FKBP14: variants seen among roughly 807,000 people sequenced by gnomAD.
FKBP14 encodes peptidyl-prolyl cis-trans isomerase FKBP14.
In FKBP14, 20 loss-of-function variants were observed where a neutral mutation model predicts 21.6. The ratio of observed to expected loss-of-function variants is 0.92; its 90% CI spans 0.65 to 1.34. FKBP14 has a LOEUF of 1.34. Ranked by LOEUF, FKBP14 falls within the 40% of genes most tolerant of loss-of-function variation. The pLI is 0.00. For missense variants in FKBP14, 253 were observed against 249.0 expected (o/e 1.02, Z -0.11); for synonymous variants, 79 against 86.7 (o/e 0.91, Z 0.49).
chr7:30,009,178 ATAATGC>A (rs1482643971), downstream of FKBP14, among the ~76,000 whole-genome samples: 1 of 151,930 alleles, frequency 6.6e-6, no homozygotes, highest in East Asian at 1.9e-4. Flanking sequence ...GGTTATTATT[ATAATGC>A]TAATTTACTT....
chr7:30,016,608 G>A (rs1789891955), intron 3 of FKBP14, among the ~76,000 whole-genome samples: 1 of 151,900 alleles, frequency 6.6e-6, no homozygotes, highest in African/African-American at 2.4e-5. Context: ...TGGCCAGGCT[G>A]GCCTCGAACT....
chr7:30,019,926 A>G (rs117489709), intron 2 of FKBP14, among the ~76,000 whole-genome samples: 2,947 of 152,266 alleles, frequency 0.019, 47 homozygotes, highest in East Asian at 0.04. Flanking sequence ...GAGGGGAGAA[A>G]TTAAAATGAA....
Position 30,011,514 on chromosome 7 carries a change from TATATATATATATACACACACC to T in FKBP14, c.*3200_*3220del, listed in dbSNP as rs1438066883. The T allele has an allele frequency of 2.1e-5, 3 of 144,428 alleles. No individual in the cohort carries two copies. The highest frequency in any genetic ancestry group is 4.5e-5 in the Non-Finnish European group (3 of 66,270). The allele number at this position is 144,428 out of a possible 1,614,324, so 8.9% of individuals were successfully genotyped here. A position where few individuals can be genotyped will look rare whatever the true frequency, so the allele number is the denominator to read the frequency against. ...GTAAGTGCCCTATACAGGTATACCA[TATATATATATATACACACACC>T]ATATATATATATACTATATATATAT... On this transcript the variant is annotated 3_prime_UTR_variant, in exon 4 of 4. Transcript: ENST00000222803.
At chr7:30,021,765 C>T (rs754196131) in intron 2 of FKBP14, among the ~76,000 whole-genome samples, 42 of 152,020 alleles carry the variant, frequency 2.8e-4, no homozygotes, top group Non-Finnish European at 2.1e-4. Flanking sequence ...ATGTTGGCCA[C>T]GTCGGTCTCA....
chr7:30,007,211 G>T (rs375109161), downstream of FKBP14, among the ~76,000 whole-genome samples: 14 of 129,178 alleles, frequency 1.1e-4, no homozygotes, highest in Middle Eastern at 3.9e-3. Context: ...AAGTTCCTTT[G>T]TTTTTTTTTT....
Position 30,010,755 on chromosome 7 carries a change from A to T in FKBP14, c.*3980T>A, listed in dbSNP as rs1486689326. On this transcript the variant is annotated 3_prime_UTR_variant, in exon 4 of 4. Transcript: ENST00000222803. ...GGCCCCACAGATTATAATGGAGTTGAAAAATTCCTGTCACCTGCTAGGGAT... is the reference window on the plus strand; with the variant it reads ...GGCCCCACAGATTATAATGGAGTTGTAAAATTCCTGTCACCTGCTAGGGAT... The T allele has an allele frequency of 2.6e-5, 4 of 152,212 alleles. No homozygotes were observed. The highest frequency in any genetic ancestry group is 9.6e-5 in the African/African-American group (4 of 41,458). 9.4% of individuals were successfully genotyped at this position (152,212 alleles called of 1,614,324 possible). A position where few individuals can be genotyped will look rare whatever the true frequency, so the allele number is the denominator to read the frequency against.
intron 3 of FKBP14, among the ~76,000 whole-genome samples, chr7:30,017,566 T>TA (rs541132117): frequency 0.059 from 8,080 of 137,484 alleles, 365 homozygotes; most frequent in African/African-American, 0.13. Flanking sequence ...AGATTCCGTC[T>TA]AAAAAAAAAA....
At chr7:30,022,603 T>G in intron 2 of FKBP14, 62 bp downstream of exon 2, 1 of 1,517,028 alleles carries the variant, frequency 6.6e-7, no homozygotes, top group Non-Finnish European at 8.8e-7. Flanking sequence ...CTCTAACTTC[T>G]GTCTCCTAAT....
intron 2 of FKBP14, chr7:30,020,325 A>G: frequency 8.1e-7 from 1 of 1,239,094 alleles, no homozygotes; most frequent in Non-Finnish European, 1.1e-6. Context: ...AGTGTTAAAT[A>G]CAGATTAGAA....
chr7:30,014,764 C>G lies in FKBP14; in HGVS notation c.607G>C (p.Glu203Gln). The part of the protein sequence containing the change: ...EDKDGFISAR[E>Q]FTYKHDEL ...AACTCATCGTGTTTATATGTAAATT[C>G]TCTGGCAGATATAAACCCATCTTTG... Residue 203 changes from glutamate (E) to glutamine (Q), a missense_variant, in exon 4 of 4, where the codon GAA (glutamate) becomes CAA (glutamine). By Grantham distance (29) the Glu-to-Gln change is conservative (BLOSUM62 2). Coordinates refer to ENST00000222803, the MANE Select transcript of FKBP14 (RefSeq NM_017946.4). The G allele has an allele frequency of 1.9e-6, 3 of 1,605,230 alleles. No individual in the cohort carries two copies. The highest frequency in any genetic ancestry group is 2.5e-6 in the Non-Finnish European group (3 of 1,176,972).
In FKBP14 at chr7:30,026,658, A is replaced by C. The variant is rs536669735; in HGVS notation, c.-150T>G. On this transcript the variant is annotated 5_prime_UTR_variant, in exon 1 of 4. Transcript: ENST00000222803. The stretch of plus-strand genomic sequence containing the variant: ...TAGAAGACGTGGCACATTTACCACC[A>C]ACTCTTTTCTCAAGGGTCACGAACC... 109 of 654,938 alleles carry C rather than the reference A, an allele frequency of 1.7e-4. No individual in the cohort carries two copies. The African/African-American group carries it at 1.9e-3, about 12-fold the overall frequency. 40.6% of individuals were successfully genotyped at this position (654,938 alleles called of 1,614,324 possible).
chr7:30,017,593 G>A (rs1789924423), intron 3 of FKBP14, among the ~76,000 whole-genome samples: 1 of 151,082 alleles, frequency 6.6e-6, no homozygotes, highest in Non-Finnish European at 1.5e-5. Flanking sequence ...GTAAATAATA[G>A]AGATAAAGTC....
At chr7:30,010,468 C>CCT (rs1789695296), downstream of FKBP14, 1 of 152,156 alleles carries the variant, frequency 6.6e-6, no homozygotes, top group South Asian at 2.1e-4. Flanking sequence ...TCACTGTACC[C>CCT]CTCTCCTTCC....
chr7:30,006,070 C>T (rs1789607900), downstream of FKBP14, among the ~76,000 whole-genome samples: 1 of 150,782 alleles, frequency 6.6e-6, no homozygotes, highest in Non-Finnish European at 1.5e-5. Context: ...CATACACACA[C>T]CATATGTACA....
downstream of FKBP14, among the ~76,000 whole-genome samples, chr7:30,006,782 G>T (rs1437439988): frequency 2.0e-5 from 3 of 152,140 alleles, no homozygotes; most frequent in African/African-American, 7.2e-5. Flanking sequence ...GAGAACCACT[G>T]ATTTTTTCCA....
At chr7:30,007,135 C>T (rs1017424373), downstream of FKBP14, among the ~76,000 whole-genome samples, 3 of 150,864 alleles carry the variant, frequency 2.0e-5, no homozygotes, top group Non-Finnish European at 4.4e-5. Context: ...GCTTCTTGTT[C>T]TTCAAGCTTA....
rs777541803 is a variant in FKBP14 at position 30,014,737 on chromosome 7, A to G, written c.634T>C (p.Ter212GlnextTer52). Residue 212 changes from the stop codon to glutamine, a stop_lost, in exon 4 of 4, where the codon TAG becomes CAG. Coordinates refer to ENST00000222803, the MANE Select transcript of FKBP14 (RefSeq NM_017946.4). ...REFTYKHDEL[*>Q] is the part of the protein sequence containing the mutation. ...ATATTAAAAGGGTAGATGTATCTCT[A>G]TAACTCATCGTGTTTATATGTAAAT... The G allele has an allele frequency of 2.5e-6, 4 of 1,590,078 alleles. No homozygotes were observed. Among genetic ancestry groups the G allele is most frequent in the Non-Finnish European group, 3.4e-6 (4 of 1,170,666 alleles).
intron 3 of FKBP14, among the ~76,000 whole-genome samples, chr7:30,017,623 G>A (rs545015215): frequency 5.1e-4 from 78 of 151,940 alleles, no homozygotes; most frequent in Non-Finnish European, 3.1e-4. Context: ...TGGCCAGGTT[G>A]GTCTTGAAGT....
At chr7:30,018,561 A>G (rs2127948091) in intron 3 of FKBP14, among the ~76,000 whole-genome samples, 1 of 152,354 alleles carries the variant, frequency 6.6e-6, no homozygotes, top group Non-Finnish European at 1.5e-5. Context: ...TTGCCAGGAA[A>G]ACACTACAAG....
Sources: gnomAD v4.1 joint callset for allele counts (sites outside exome capture counted in the v4.1 genomes callset) on GRCh38, gnomAD v4.1.1 for gene constraint, MANE v1.5 for transcripts, NCBI Gene and HGNC (gene_info 2026-07-23, HGNC 2026-07-21) for gene names.